Variants in KIAA1217 observed in about 807,000 individuals in gnomAD.
KIAA1217 encodes the protein sickle tail protein homolog.
Under a neutral mutation model 163.9 loss-of-function variants are expected in KIAA1217, and 88 were observed. The ratio of observed to expected loss-of-function variants is 0.54; its 90% CI spans 0.45 to 0.64. The LOEUF (loss-of-function observed/expected upper bound fraction) is 0.64. KIAA1217 is among the 30% of genes least tolerant of loss of function. The pLI, the probability that KIAA1217 is intolerant of heterozygous loss-of-function variation, is 0.00. For missense variants in KIAA1217, 2,372 were observed against 2,475.0 expected (o/e 0.96, Z 0.88); for synonymous variants, 903 against 923.1 (o/e 0.98, Z 0.39).
At chr10:24,223,081 G>A (rs144764058) in intron 2 of KIAA1217, among the ~76,000 whole-genome samples, 187 of 152,196 alleles carry the variant, frequency 1.2e-3, no homozygotes, top group African/African-American at 4.4e-3. Flanking sequence ...GTTTTGGCTG[G>A]TGTCTTTACT....
At chr10:23,863,465 G>C (rs1326383986) in intron 1 of KIAA1217, among the ~76,000 whole-genome samples, 2 of 152,042 alleles carry the variant, frequency 1.3e-5, no homozygotes, top group Non-Finnish European at 2.9e-5. Context: ...CAACATTTAG[G>C]CTGGCTTGAT....
intron 2 of KIAA1217, among the ~76,000 whole-genome samples, chr10:24,153,938 A>G (rs968657172): frequency 2.0e-5 from 3 of 151,490 alleles, no homozygotes; most frequent in Non-Finnish European, 1.5e-5. Flanking sequence ...ACAGAGTAAG[A>G]CTGTGTCTCT....
chr10:23,832,656 G>C (rs1195582256), intron 1 of KIAA1217, among the ~76,000 whole-genome samples: 1 of 152,134 alleles, frequency 6.6e-6, no homozygotes, highest in East Asian at 1.9e-4. Context: ...AGATTACAAG[G>C]GTTTTAGGAG....
chr10:24,071,422 A>T (rs1325838642), intron 2 of KIAA1217, among the ~76,000 whole-genome samples: 1 of 152,212 alleles, frequency 6.6e-6, no homozygotes, highest in African/African-American at 2.4e-5. Context: ...GTTCTTAAGT[A>T]ATCTCAGCAT....
chr10:23,927,257 C>T (rs1843060756), intron 1 of KIAA1217, among the ~76,000 whole-genome samples: 1 of 151,538 alleles, frequency 6.6e-6, no homozygotes. Context: ...AAAATTTTTA[C>T]TATAAGTTAT....
In KIAA1217 at chr10:23,726,979, CTTTTTTTTTTTTT is replaced by C. The variant is rs1012125050; in HGVS notation, c.-321+31759_-321+31771del. ...ATTTCCATGCCATTTGTATAGGCCT[CTTTTTTTTTTTTT>C]TTTTTTTTTTTTTGAGACAGAGTCT... is the stretch of plus-strand genomic sequence containing the variant. On this transcript the variant is annotated intron_variant, in intron 1 of 18. Coordinates refer to the KIAA1217 transcript ENST00000376462. 1.4e-4 allele frequency among the ~76,000 whole-genome samples: 13 copies of C among 93,416 alleles called. No individual in the cohort carries two copies. The South Asian group carries it at 3.8e-3, about 27-fold the overall frequency. 61.3% of individuals were successfully genotyped at this position (93,416 alleles called of 152,430 possible).
At chr10:24,466,032 G>A (rs897557848) in intron 5 of KIAA1217, among the ~76,000 whole-genome samples, 1 of 152,154 alleles carries the variant, frequency 6.6e-6, no homozygotes, top group Non-Finnish European at 1.5e-5. Context: ...GGTAAAACAG[G>A]GCTGGTTAAT....
chr10:24,094,375 G>A (rs1224272161), intron 2 of KIAA1217, among the ~76,000 whole-genome samples: 6 of 152,046 alleles, frequency 3.9e-5, no homozygotes. Flanking sequence ...TCTACTTTTG[G>A]TCTTTGATGA....
chr10:24,058,481 C>T (rs879304879), intron 2 of KIAA1217, among the ~76,000 whole-genome samples: 2 of 152,056 alleles, frequency 1.3e-5, no homozygotes, highest in Non-Finnish European at 2.9e-5. Context: ...GATTACTGGG[C>T]AGTATGAACA....
chr10:23,877,440 C>T (rs1840748299), intron 1 of KIAA1217: 1 of 151,818 alleles, frequency 6.6e-6, no homozygotes, highest in Non-Finnish European at 1.5e-5. Flanking sequence ...TAATGCTGTC[C>T]ACCACCCATG....
chr10:24,432,965 G>C (rs2059721640), intron 3 of KIAA1217, 30 bp from the exon 4 acceptor site: 3 of 1,597,544 alleles, frequency 1.9e-6, no homozygotes, highest in Admixed American at 1.7e-5. Context: ...GTCTTGACCT[G>C]TGACTAATAA....
chr10:24,543,394 A>C lies in KIAA1217; in HGVS notation c.4124A>C (p.Glu1375Ala), dbSNP rs1045771028. 39 of 1,614,088 alleles carry C rather than the reference A, an allele frequency of 2.4e-5. No individual in the cohort carries two copies. Among genetic ancestry groups the C allele is most frequent in the Non-Finnish European group, 3.1e-5 (37 of 1,180,034 alleles). Residue 1375 changes from glutamate to alanine, a missense_variant, in exon 19 of 21, where the codon GAA becomes GCA. Glu to Ala is a moderately radical substitution (Grantham distance 107). Around this residue, in one of 3 missense-constraint regions of KIAA1217, gnomAD observed 251 missense variants for 327.3 expected, o/e 0.77. Coordinates refer to ENST00000376454, the MANE Select transcript of KIAA1217 (RefSeq NM_019590.5). The part of the protein sequence containing the change: ...DGESSSSSPT[E>A]ENAATDNIAF... ...GAATCAAGTTCAAGTTCTCCCACTG[A>C]AGAAAATGCAGCCACTGACAATATT... is the stretch of plus-strand genomic sequence containing the variant.
chr10:24,432,939 G>C lies in KIAA1217; in HGVS notation c.554-56G>C, dbSNP rs1352529571. 4 of 1,424,324 alleles carry C rather than the reference G, an allele frequency of 2.8e-6. No homozygotes were observed. The East Asian group carries it at 9.1e-5, about 33-fold the overall frequency. 88.2% of individuals were successfully genotyped at this position (1,424,324 alleles called of 1,614,324 possible). A position where few individuals can be genotyped will look rare whatever the true frequency, so the allele number is the denominator to read the frequency against. The stretch of plus-strand genomic sequence containing the variant: ...GCAGGAAAGAAGTGGCTCAGCTTGT[G>C]CTGTGTGTCCCCTGAGTCTTGACCT... On this transcript the variant is annotated intron_variant, in intron 3 of 20. Transcript: ENST00000376454.
intron 2 of KIAA1217, among the ~76,000 whole-genome samples, chr10:24,127,737 T>G (rs1263806312): frequency 2.0e-5 from 3 of 152,202 alleles, no homozygotes; most frequent in East Asian, 1.9e-4. Flanking sequence ...AAAGAGTACA[T>G]TAGCAAACAA....
chr10:24,035,535 T>G (rs1848355668), intron 2 of KIAA1217, among the ~76,000 whole-genome samples: 1 of 152,170 alleles, frequency 6.6e-6, no homozygotes, highest in African/African-American at 2.4e-5. Context: ...GGGAAGAGAC[T>G]AATCTCTCCA....
chr10:23,818,797 T>G (rs906724950), intron 1 of KIAA1217, among the ~76,000 whole-genome samples: 1 of 152,128 alleles, frequency 6.6e-6, no homozygotes, highest in Non-Finnish European at 1.5e-5. Flanking sequence ...CTTGAAGAAA[T>G]CACAGCTCTG....
At chr10:23,759,132 C>T (rs1447794203) in intron 1 of KIAA1217, among the ~76,000 whole-genome samples, 1 of 151,670 alleles carries the variant, frequency 6.6e-6, no homozygotes, top group Non-Finnish European at 1.5e-5. Context: ...TGTTTTTTAC[C>T]TCCTTGGTTA....
chr10:24,109,554 G>A (rs925607675), intron 2 of KIAA1217, among the ~76,000 whole-genome samples: 36 of 152,084 alleles, frequency 2.4e-4, no homozygotes, highest in African/African-American at 8.2e-4. Flanking sequence ...ACTGGAGGGT[G>A]GGGTAGGAAG....
chr10:24,534,771 C>T (rs1486171067), intron 16 of KIAA1217, among the ~76,000 whole-genome samples: 3 of 151,120 alleles, frequency 2.0e-5, no homozygotes, highest in Non-Finnish European at 4.4e-5. Flanking sequence ...ATCCCAGCTA[C>T]TCGGGAGGCT....
Sources: allele counts gnomAD v4.1 joint callset (sites outside exome capture counted in the v4.1 genomes callset), GRCh38; gene constraint gnomAD v4.1.1; regional missense constraint gnomAD v4.1.1; transcripts MANE v1.5; gene names NCBI Gene and HGNC (gene_info 2026-07-23, HGNC 2026-07-21).